WLS: variants seen among roughly 807,000 people sequenced by gnomAD.
The protein encoded by WLS is Wnt ligand secretion mediator.
WLS carries 23 observed loss-of-function variants against 62.8 expected under a neutral mutation model. The observed-to-expected ratio is 0.37, with a 90% CI of 0.26 to 0.52. The LOEUF is 0.52. WLS is among the 20% of genes least tolerant of loss of function. The probability of loss-of-function intolerance (pLI) is 0.92; values close to 1 mark genes in which losing one functional copy is unlikely to be tolerated. For synonymous variants in WLS, 246 were observed against 244.1 expected (o/e 1.01, Z -0.07); for missense variants, 615 against 697.3 (o/e 0.88, Z 1.33).
intron 1 of WLS, chr1:68,231,704 G>C: frequency 2.2e-6 from 1 of 458,088 alleles, no homozygotes; most frequent in Non-Finnish European, 4.4e-6. Flanking sequence ...ATTTACAACC[G>C]TGCAAGTATC....
chr1:68,230,409 G>C (rs1262201710), intron 1 of WLS, among the ~76,000 whole-genome samples: 1 of 152,130 alleles, frequency 6.6e-6, no homozygotes, highest in African/African-American at 2.4e-5. Flanking sequence ...CATCAAGGGA[G>C]ACAAGAGGTG....
At chr1:68,150,489 G>T in intron 5 of WLS, 133 bp from the exon 6 acceptor site, 1 of 1,226,066 alleles carries the variant, frequency 8.2e-7, no homozygotes, top group Non-Finnish European at 1.1e-6. Flanking sequence ...AATTTCTTCT[G>T]CACAGAGATG....
intron 2 of WLS, among the ~76,000 whole-genome samples, chr1:68,184,145 G>T (rs1317966082): frequency 6.6e-6 from 1 of 152,154 alleles, no homozygotes; most frequent in East Asian, 1.9e-4. Flanking sequence ...CCATCTTGAG[G>T]CTTTCTGCCA....
chr1:68,159,230 A>T lies in WLS; in HGVS notation c.397T>A (p.Ser133Thr), dbSNP rs1032499675. ...NNQIRENAEVSMDVSLAYRDD... is the reference protein window; with the variant it reads ...NNQIRENAEVTMDVSLAYRDD... ...CGGTAAGCCAGGGAAACGTCCATGGAGACTTCTGCATTTTCTCCTGCAAGA... is the reference window on the plus strand; with the variant it reads ...CGGTAAGCCAGGGAAACGTCCATGGTGACTTCTGCATTTTCTCCTGCAAGA... The change falls in exon 3 of 12, where the codon TCC (serine) becomes ACC (threonine). Residue 133 changes from serine to threonine, a missense_variant. Transcript: ENST00000262348. The T allele has an allele frequency of 6.2e-6, 10 of 1,613,730 alleles. No homozygotes were observed. Among genetic ancestry groups the T allele is most frequent in the Non-Finnish European group, 7.6e-6 (9 of 1,179,964 alleles).
intron 2 of WLS, chr1:68,161,626 C>A: frequency 1.4e-6 from 1 of 733,950 alleles, no homozygotes; most frequent in Non-Finnish European, 2.3e-6. Flanking sequence ...TTTAACACTG[C>A]AGCATCAATG....
rs553280889 is a variant in WLS, at chr1:68,129,077, C to A, written c.1517-2742G>T. Among the ~76,000 whole-genome samples the A allele has an allele frequency of 4.6e-5, 7 of 152,290 alleles. No individual in the cohort carries two copies. In the South Asian group the frequency reaches 1.5e-3, roughly 32 times the overall value. ...CGGTGGCTCACATCTGTAATCCCGG[C>A]ACTTTGGGAGGCTGACGGCGGCGGA... On this transcript the variant is annotated intron_variant, in intron 11 of 11. Coordinates refer to ENST00000262348, the MANE Select transcript of WLS (RefSeq NM_024911.7).
intron 11 of WLS, among the ~76,000 whole-genome samples, chr1:68,133,704 T>C (rs563656324): frequency 6.6e-6 from 1 of 152,372 alleles, no homozygotes; most frequent in East Asian, 1.9e-4. Flanking sequence ...TGTTCTTCTC[T>C]GTCCATTCTA....
intron 1 of WLS, among the ~76,000 whole-genome samples, chr1:68,229,171 T>A (rs1359573597): frequency 6.6e-6 from 1 of 152,154 alleles, no homozygotes; most frequent in Non-Finnish European, 1.5e-5. Context: ...ACTTGCCTGG[T>A]CACTCTGGGG....
At chr1:68,122,220 C>T (rs1162510525), downstream of WLS, among the ~76,000 whole-genome samples, 4 of 152,182 alleles carry the variant, frequency 2.6e-5, no homozygotes, top group Admixed American at 2.6e-4. Flanking sequence ...ACCATGTGAA[C>T]ACTGGGAGGT....
intron 11 of WLS, among the ~76,000 whole-genome samples, chr1:68,135,245 G>A (rs1391440624): frequency 1.3e-5 from 2 of 150,962 alleles, no homozygotes; most frequent in African/African-American, 4.9e-5. Flanking sequence ...GGGCTCAAGG[G>A]ATCCTTCTGC....
intron 1 of WLS, among the ~76,000 whole-genome samples, chr1:68,206,520 G>A (rs1260136381): frequency 6.6e-6 from 1 of 152,178 alleles, no homozygotes; most frequent in East Asian, 1.9e-4. Context: ...GGATGGAAAG[G>A]TGACTTTTAG....
At chr1:68,222,282 C>T (rs1319573577) in intron 1 of WLS, among the ~76,000 whole-genome samples, 1 of 152,022 alleles carries the variant, frequency 6.6e-6, no homozygotes, top group Non-Finnish European at 1.5e-5. Flanking sequence ...TGTACCACAC[C>T]CTCAGCAAGC....
chr1:68,230,696 C>T (rs1448379841), intron 1 of WLS, among the ~76,000 whole-genome samples: 2 of 152,100 alleles, frequency 1.3e-5, no homozygotes, highest in Non-Finnish European at 2.9e-5. Context: ...ACTCTGAACC[C>T]TTTTCTGTTT....
At chr1:68,173,927 A>C (rs1647191819) in intron 2 of WLS, among the ~76,000 whole-genome samples, 2 of 152,194 alleles carry the variant, frequency 1.3e-5, no homozygotes, top group Non-Finnish European at 1.5e-5. Context: ...TACTCTGCCT[A>C]GCCTGGGGCA....
At chr1:68,110,721 A>G (rs897661341) in intron 11 of WLS, among the ~76,000 whole-genome samples, 2 of 131,280 alleles carry the variant, frequency 1.5e-5, no homozygotes, top group Admixed American at 1.7e-4. Context: ...ATGTGTATGT[A>G]TATATATGTT....
chr1:68,106,190 C>G (rs1384679173), intron 11 of WLS, among the ~76,000 whole-genome samples: 2 of 152,110 alleles, frequency 1.3e-5, no homozygotes, highest in Non-Finnish European at 2.9e-5. Flanking sequence ...TATATATACT[C>G]TGGAGTGGTT....
chr1:68,170,817 C>T (rs78602354), intron 2 of WLS, among the ~76,000 whole-genome samples: 11,843 of 152,174 alleles, frequency 0.078, 499 homozygotes, highest in Admixed American at 0.1. Flanking sequence ...TCTCTCCCTA[C>T]CCATCTCCTA....
chr1:68,230,189 T>C (rs543101238), intron 1 of WLS, among the ~76,000 whole-genome samples: 49 of 152,236 alleles, frequency 3.2e-4, no homozygotes, highest in Admixed American at 1.2e-3. Context: ...TCTGCAAAGC[T>C]AGGAGATCAG....
chr1:68,118,074 A>G (rs1228335554), intron 11 of WLS, among the ~76,000 whole-genome samples: 1 of 152,200 alleles, frequency 6.6e-6, no homozygotes, highest in East Asian at 1.9e-4. Context: ...ACTATAAAAG[A>G]AAAAATGTAC....
Sources: allele counts gnomAD v4.1 joint callset (sites outside exome capture counted in the v4.1 genomes callset), GRCh38; gene constraint gnomAD v4.1.1; transcripts MANE v1.5; gene names NCBI Gene and HGNC (gene_info 2026-07-23, HGNC 2026-07-21).